The following KICS2 variants were observed in gnomAD, a reference collection of about 807,000 sequenced individuals.
KICS2 encodes KICSTOR subunit 2.
KICS2 carries 13 observed loss-of-function variants against 31.4 expected under a neutral mutation model. That is an observed-to-expected ratio of 0.41 (90% CI 0.27 to 0.66). The LOEUF is 0.66. Among genes scored for constraint, KICS2 ranks in the 30% least tolerant of loss-of-function variants. The pLI is 0.28. For missense variants in KICS2, 455 were observed against 545.4 expected (o/e 0.83, Z 1.65); for synonymous variants, 209 against 214.8 (o/e 0.97, Z 0.24).
downstream of KICS2, among the ~76,000 whole-genome samples, chr12:64,189,503 T>C (rs1355451033): frequency 6.6e-6 from 1 of 152,220 alleles, no homozygotes; most frequent in East Asian, 1.9e-4. Context: ...AAGGATACTG[T>C]CATCAAAATC....
chr12:64,196,798 A>C (rs2037444636), intron 2 of KICS2, among the ~76,000 whole-genome samples: 1 of 149,702 alleles, frequency 6.7e-6, no homozygotes, highest in Admixed American at 6.7e-5. Context: ...AACTACGTGA[A>C]GAATGCAGAA....
downstream of KICS2, among the ~76,000 whole-genome samples, chr12:64,189,964 C>G (rs1184710375): frequency 2.0e-5 from 3 of 150,924 alleles, 1 homozygote; most frequent in South Asian, 6.3e-4. Flanking sequence ...ATAGAGTAAC[C>G]AAAGGAAAAA....
chr12:64,203,771 G>A (rs76670649), intron 2 of KICS2, among the ~76,000 whole-genome samples: 107 of 152,316 alleles, frequency 7.0e-4, no homozygotes, highest in African/African-American at 2.5e-3. Context: ...GACATTATAA[G>A]AGAGAAACCG....
chr12:64,206,969 G>C (rs1172245465), intron 2 of KICS2, among the ~76,000 whole-genome samples: 1 of 152,064 alleles, frequency 6.6e-6, no homozygotes, highest in Non-Finnish European at 1.5e-5. Flanking sequence ...AAAAGACTGT[G>C]AATATACTTA....
downstream of KICS2, among the ~76,000 whole-genome samples, chr12:64,188,289 C>T (rs2037354375): frequency 6.6e-6 from 1 of 152,098 alleles, no homozygotes; most frequent in Non-Finnish European, 1.5e-5. Context: ...CTTGGGAGGC[C>T]TAGGTGGGCA....
downstream of KICS2, chr12:64,187,749 G>A: frequency 3.1e-6 from 3 of 955,178 alleles, no homozygotes; most frequent in East Asian, 2.7e-5. Context: ...TCACTTAGGA[G>A]AAAAAAAATC....
At position 64,222,061 on chromosome 12, in the gene KICS2, C is replaced by T. The variant is rs377159432; in HGVS notation, c.177G>A (p.Ala59=). The T allele has an allele frequency of 2.1e-5, 34 of 1,613,506 alleles. No homozygotes were observed. The African/African-American group carries it at 4.1e-4, about 20-fold the overall frequency. The change falls in exon 1 of 3, where the codon GCG becomes GCA. Residue 59 remains alanine, a synonymous_variant. Coordinates refer to ENST00000398055, the MANE Select transcript of KICS2 (RefSeq NM_152440.5). ...GSWLSLLAAL[A]HLAAAEKVYH... is the part of the protein sequence containing the mutation. The stretch of plus-strand genomic sequence containing the variant: ...AGACCTTCTCGGCCGCGGCCAGGTG[C>T]GCCAAGGCCGCCAGCAGCGACAGCC...
downstream of KICS2, among the ~76,000 whole-genome samples, chr12:64,189,645 G>GT (rs2037364050): frequency 1.3e-5 from 2 of 151,816 alleles, no homozygotes; most frequent in South Asian, 2.1e-4. Flanking sequence ...ATATAAATAA[G>GT]TAAGTTAAAA....
chr12:64,211,065 C>T (rs1457275602), intron 2 of KICS2, among the ~76,000 whole-genome samples: 1 of 152,126 alleles, frequency 6.6e-6, no homozygotes, highest in East Asian at 1.9e-4. Flanking sequence ...TTTTCTTAAG[C>T]TTCCCGAAGA....
Position 64,192,901 on chromosome 12 carries a change from C to T in KICS2, c.*941G>A, listed in dbSNP as rs2037394887. Reference sequence around the variant, plus strand: ...TTTCAAGCGCACAGTTGATTTTTAGCAAGTACAGCGTATGAAGACCTTCAT... The same window carrying T: ...TTTCAAGCGCACAGTTGATTTTTAGTAAGTACAGCGTATGAAGACCTTCAT... On this transcript the variant is annotated 3_prime_UTR_variant, in exon 3 of 3. Transcript: ENST00000398055. 4.1e-6 allele frequency: 4 copies of T among 985,320 alleles called. No homozygotes were observed. The African/African-American group carries it at 7.0e-5, about 17-fold the overall frequency. 61.0% of individuals were successfully genotyped at this position (985,320 alleles called of 1,614,324 possible).
At position 64,193,803 on chromosome 12, in the gene KICS2, C is replaced by T; in HGVS notation, c.*39G>A. The T allele has an allele frequency of 1.3e-6, 2 of 1,571,120 alleles. No homozygotes were observed. The highest frequency in any genetic ancestry group is 2.2e-5 in the East Asian group (1 of 44,590). On this transcript the variant is annotated 3_prime_UTR_variant, in exon 3 of 3. Coordinates refer to ENST00000398055, the MANE Select transcript of KICS2 (RefSeq NM_152440.5). ...CGTAGATCATTAGGGCAATTAAGAA[C>T]AGTTTCTAGTCTTGAAACCCCTCCA...
At chr12:64,218,229 G>C (rs570555543) in intron 1 of KICS2, among the ~76,000 whole-genome samples, 2 of 152,166 alleles carry the variant, frequency 1.3e-5, no homozygotes, top group East Asian at 3.9e-4. Flanking sequence ...AACATAAATA[G>C]ACCTCTGTGC....
downstream of KICS2, chr12:64,187,636 G>A (rs1171416312): frequency 6.5e-7 from 1 of 1,535,774 alleles, no homozygotes. Flanking sequence ...CGAAATAATT[G>A]CATTGGTAAC....
chr12:64,208,252 G>A (rs767544167), intron 2 of KICS2, among the ~76,000 whole-genome samples: 5 of 152,100 alleles, frequency 3.3e-5, no homozygotes, highest in African/African-American at 4.8e-5. Context: ...CAAGTGATCC[G>A]CCCGCCTTGG....
chr12:64,220,214 T>C (rs1565721642), intron 1 of KICS2, among the ~76,000 whole-genome samples: 1 of 152,210 alleles, frequency 6.6e-6, no homozygotes, highest in Non-Finnish European at 1.5e-5. Context: ...TTTCAAGGCA[T>C]AGTCCTCATG....
At chr12:64,206,509 A>G (rs2037540163) in intron 2 of KICS2, among the ~76,000 whole-genome samples, 1 of 152,242 alleles carries the variant, frequency 6.6e-6, no homozygotes, top group African/African-American at 2.4e-5. Flanking sequence ...TAATACATTT[A>G]TTATGAATAA....
At chr12:64,211,527 G>A (rs1356607743) in intron 2 of KICS2, among the ~76,000 whole-genome samples, 2 of 152,146 alleles carry the variant, frequency 1.3e-5, no homozygotes, top group Admixed American at 6.5e-5. Context: ...GCTGAGGCAG[G>A]AGAATCACTT....
At chr12:64,220,539 T>TA (rs554991017) in intron 1 of KICS2, among the ~76,000 whole-genome samples, 70 of 141,288 alleles carry the variant, frequency 5.0e-4, no homozygotes, top group African/African-American at 7.0e-4. Context: ...GATAAGTTAA[T>TA]AAAAAAAAAA....
downstream of KICS2, among the ~76,000 whole-genome samples, chr12:64,188,062 C>T (rs187292817): frequency 6.7e-4 from 102 of 152,118 alleles, 1 homozygote; most frequent in Non-Finnish European, 1.1e-3. Context: ...ATTCCTTCCT[C>T]GCTGCCTGAA....
Sources: allele counts gnomAD v4.1 joint callset (sites outside exome capture counted in the v4.1 genomes callset), GRCh38; gene constraint gnomAD v4.1.1; transcripts MANE v1.5; gene names NCBI Gene and HGNC (gene_info 2026-07-23, HGNC 2026-07-21).